The following LCLAT1 variants were observed in gnomAD, a reference collection of about 807,000 sequenced individuals.
LCLAT1 encodes the protein lysocardiolipin acyltransferase 1, also known as 1-AGP acyltransferase 8.
Under a neutral mutation model 30.7 loss-of-function variants are expected in LCLAT1, and 11 were observed. The ratio of observed to expected loss-of-function variants is 0.36; its 90% CI spans 0.23 to 0.59. The LOEUF is 0.59. Ranked by LOEUF, LCLAT1 falls within the 20% of genes least tolerant of loss-of-function variation. The probability of loss-of-function intolerance (pLI) is 0.77; values close to 1 mark genes in which losing one functional copy is unlikely to be tolerated. For missense variants in LCLAT1, 402 were observed against 458.6 expected (o/e 0.88, Z 1.13); for synonymous variants, 155 against 151.3 (o/e 1.02, Z -0.18).
chr2:30,536,553 A>T (rs1453112113), intron 3 of LCLAT1, among the ~76,000 whole-genome samples: 1 of 152,250 alleles, frequency 6.6e-6, no homozygotes, highest in Admixed American at 6.5e-5. Context: ...TTTAGAAATA[A>T]AGGAGACATA....
At chr2:30,628,915 G>A (rs761709529) in intron 5 of LCLAT1, among the ~76,000 whole-genome samples, 3 of 152,172 alleles carry the variant, frequency 2.0e-5, no homozygotes, top group Non-Finnish European at 4.4e-5. Flanking sequence ...ACATGGGTTG[G>A]AAAAGATGCC....
chr2:30,550,365 T>G (rs1664627124), intron 3 of LCLAT1, among the ~76,000 whole-genome samples: 1 of 152,230 alleles, frequency 6.6e-6, no homozygotes, highest in African/African-American at 2.4e-5. Flanking sequence ...TAATGTCCTT[T>G]TGTGGTTCTA....
chr2:30,494,990 G>A (rs1398621098), intron 1 of LCLAT1, among the ~76,000 whole-genome samples: 1 of 149,914 alleles, frequency 6.7e-6, no homozygotes, highest in African/African-American at 2.5e-5. Context: ...TTGATCATTG[G>A]GACATATGGG....
chr2:30,522,431 C>A (rs529118870), intron 1 of LCLAT1, among the ~76,000 whole-genome samples: 1 of 152,120 alleles, frequency 6.6e-6, no homozygotes, highest in South Asian at 2.1e-4. Flanking sequence ...TAATTTGGAA[C>A]CAAGTTTGTC....
chr2:30,542,375 TA>T (rs1241041867), intron 3 of LCLAT1, among the ~76,000 whole-genome samples: 1 of 152,180 alleles, frequency 6.6e-6, no homozygotes, highest in East Asian at 1.9e-4. Flanking sequence ...GGTCAATGAT[TA>T]TTTTTTTCCT....
At chr2:30,498,589 C>T (rs1381871359) in intron 1 of LCLAT1, among the ~76,000 whole-genome samples, 1 of 152,140 alleles carries the variant, frequency 6.6e-6, no homozygotes, top group Non-Finnish European at 1.5e-5. Flanking sequence ...ACCAAGGACT[C>T]ACCCCAATTG....
intron 3 of LCLAT1, among the ~76,000 whole-genome samples, chr2:30,549,743 G>A (rs542782297): frequency 1.3e-5 from 2 of 152,242 alleles, no homozygotes; most frequent in South Asian, 4.1e-4. Context: ...TTTTAAAAGA[G>A]AAAGGCAACA....
At chr2:30,586,648 A>G (rs936031910) in intron 5 of LCLAT1, among the ~76,000 whole-genome samples, 2 of 152,210 alleles carry the variant, frequency 1.3e-5, no homozygotes, top group African/African-American at 4.8e-5. Context: ...GCTGACTTCA[A>G]TGCTGGCTGA....
In LCLAT1 at chr2:30,640,581, C is replaced by T. The variant is rs1669254849; in HGVS notation, c.1093C>T (p.His365Tyr). 4 of 1,609,868 alleles carry T rather than the reference C, an allele frequency of 2.5e-6. No homozygotes were observed. Among genetic ancestry groups the T allele is most frequent in the African/African-American group, 2.7e-5 (2 of 74,668 alleles). Reference protein sequence around the residue: ...IIELACYRLLHKQPHLNSKKN... With the variant: ...IIELACYRLLYKQPHLNSKKN... ...AGAACTTGCATGTTACCGACTTTTA[C>T]ACAAACAGCCACATTTAAATTCAAA... Residue 365 changes from histidine to tyrosine, a missense_variant, in exon 6 of 6, where the codon CAC becomes TAC. His to Tyr is a moderately conservative substitution (Grantham distance 83). Transcript: ENST00000379509.
intron 5 of LCLAT1, chr2:30,605,965 T>A (rs1572688558): frequency 8.0e-7 from 1 of 1,256,030 alleles, no homozygotes; most frequent in African/African-American, 1.6e-5. Flanking sequence ...ACAGGAGGGT[T>A]CTTGCTACCA....
intron 5 of LCLAT1, among the ~76,000 whole-genome samples, chr2:30,617,229 T>G (rs1335767029): frequency 6.6e-6 from 1 of 152,170 alleles, no homozygotes; most frequent in Non-Finnish European, 1.5e-5. Context: ...CCCACTGATG[T>G]GCTTTCTGTC....
At chr2:30,496,046 T>C (rs545988013) in intron 1 of LCLAT1, among the ~76,000 whole-genome samples, 4 of 152,198 alleles carry the variant, frequency 2.6e-5, no homozygotes, top group South Asian at 2.1e-4. Context: ...AGGAAACTTA[T>C]AATGGTGGCA....
At chr2:30,592,596 C>A (rs1666745716) in intron 5 of LCLAT1, among the ~76,000 whole-genome samples, 1 of 152,150 alleles carries the variant, frequency 6.6e-6, no homozygotes, top group Non-Finnish European at 1.5e-5. Flanking sequence ...ATAATTATTT[C>A]AAAGACAGAG....
intron 5 of LCLAT1, among the ~76,000 whole-genome samples, chr2:30,569,820 A>C (rs1433550655): frequency 6.6e-6 from 1 of 152,196 alleles, no homozygotes; most frequent in East Asian, 1.9e-4. Context: ...CCGTGATTAC[A>C]ACTAATATAA....
chr2:30,496,102 G>A (rs1171640390), intron 1 of LCLAT1, among the ~76,000 whole-genome samples: 2 of 152,100 alleles, frequency 1.3e-5, no homozygotes, highest in Non-Finnish European at 2.9e-5. Context: ...TAGAGCAGGA[G>A]GAAGAGAAAG....
chr2:30,585,118 A>G (rs540615759), intron 5 of LCLAT1, among the ~76,000 whole-genome samples: 1 of 152,182 alleles, frequency 6.6e-6, no homozygotes, highest in Non-Finnish European at 1.5e-5. Flanking sequence ...CTCTGTGTTG[A>G]CCATGCTATC....
chr2:30,491,134 G>C (rs1683816481), intron 1 of LCLAT1, among the ~76,000 whole-genome samples: 2 of 152,202 alleles, frequency 1.3e-5, no homozygotes, highest in South Asian at 2.1e-4. Context: ...AGAAGGTATA[G>C]TTTATATGGG....
At chr2:30,478,548 G>A (rs1488391251) in intron 1 of LCLAT1, among the ~76,000 whole-genome samples, 1 of 152,092 alleles carries the variant, frequency 6.6e-6, no homozygotes, top group African/African-American at 2.4e-5. Flanking sequence ...GTGTAGTGGT[G>A]TGTGCCTATA....
intron 1 of LCLAT1, among the ~76,000 whole-genome samples, chr2:30,490,718 C>T (rs1244184367): frequency 6.6e-6 from 1 of 152,100 alleles, no homozygotes; most frequent in African/African-American, 2.4e-5. Flanking sequence ...TTGTTTTCAA[C>T]AAATTTAATA....
Sources: allele counts gnomAD v4.1 joint callset (sites outside exome capture counted in the v4.1 genomes callset), GRCh38; gene constraint gnomAD v4.1.1; transcripts MANE v1.5; gene names NCBI Gene and HGNC (gene_info 2026-07-23, HGNC 2026-07-21).